The following GRM7 variants were observed in gnomAD, a reference collection of about 807,000 sequenced individuals.
The protein encoded by GRM7 is metabotropic glutamate receptor 7.
Under a neutral mutation model 84.5 loss-of-function variants are expected in GRM7, and 35 were observed. That is an observed-to-expected ratio of 0.41 (90% CI 0.32 to 0.55). The LOEUF (loss-of-function observed/expected upper bound fraction) is 0.55. GRM7 is among the 20% of genes least tolerant of loss of function. The probability of loss-of-function intolerance (pLI) is 0.19; values close to 1 mark genes in which losing one functional copy is unlikely to be tolerated. For synonymous variants in GRM7, 487 were observed against 455.1 expected, an observed-to-expected ratio of 1.07 and a Z score of -0.89; for missense variants, 1,003 against 1,194.6, an observed-to-expected ratio of 0.84 and a Z score of 2.36.
chr3:7,253,553 G>A (rs926798342), intron 2 of GRM7, among the ~76,000 whole-genome samples: 17 of 149,474 alleles, frequency 1.1e-4, no homozygotes, highest in African/African-American at 4.2e-4. Flanking sequence ...GGAGGCAGAG[G>A]TTGTAGTGAG....
chr3:7,154,505 G>T (rs1310584240), intron 2 of GRM7, among the ~76,000 whole-genome samples: 1 of 152,110 alleles, frequency 6.6e-6, no homozygotes, highest in East Asian at 1.9e-4. Flanking sequence ...GGTATGAAAA[G>T]ATCTGAAGGT....
chr3:7,226,973 G>A (rs1697004049), intron 2 of GRM7, among the ~76,000 whole-genome samples: 1 of 152,064 alleles, frequency 6.6e-6, no homozygotes, highest in Non-Finnish European at 1.5e-5. Flanking sequence ...ATTTTCAAAG[G>A]GCATTTCCAA....
chr3:7,073,070 T>C (rs540525871), intron 1 of GRM7, among the ~76,000 whole-genome samples: 444 of 152,306 alleles, frequency 2.9e-3, no homozygotes, highest in Non-Finnish European at 4.3e-3. Context: ...TATTTTCATG[T>C]GATACCAGGG....
At position 6,976,681 on chromosome 3, in the gene GRM7, G is replaced by GA. The variant is rs922952764; in HGVS notation, c.519+114783dup. 2.6e-4 allele frequency among the ~76,000 whole-genome samples: 39 copies of GA among 149,180 alleles called. 1 individual carries two copies. Among genetic ancestry groups the GA allele is most frequent in the South Asian group, 1.5e-3 (7 of 4,728 alleles). ...CCTATTGTCTATTTACAGCCTAACTGAAAAAAAAATGGGGTCCTAATTTGA... is the reference window on the plus strand; with the variant it reads ...CCTATTGTCTATTTACAGCCTAACTGAAAAAAAAAATGGGGTCCTAATTTGA... On this transcript the variant is annotated intron_variant, in intron 1 of 9. Transcript: ENST00000357716.
chr3:7,463,611 G>T (rs999188344), intron 7 of GRM7, among the ~76,000 whole-genome samples: 1 of 152,238 alleles, frequency 6.6e-6, no homozygotes, highest in Middle Eastern at 3.4e-3. Flanking sequence ...TCTGAGGTGT[G>T]ATAATGGAAA....
intron 9 of GRM7, among the ~76,000 whole-genome samples, chr3:7,709,726 A>T (rs1701515810): frequency 6.6e-6 from 1 of 152,204 alleles, no homozygotes; most frequent in Non-Finnish European, 1.5e-5. Flanking sequence ...AAATAAACAC[A>T]GCCCAAAACT....
At chr3:7,332,573 G>C (rs1508716) in intron 4 of GRM7, among the ~76,000 whole-genome samples, 6,027 of 152,164 alleles carry the variant, frequency 0.04, 254 homozygotes, top group African/African-American at 0.11. Context: ...TCTTTTCCTT[G>C]AGTTAAAGAC....
intron 4 of GRM7, among the ~76,000 whole-genome samples, chr3:7,316,164 A>G (rs1700574535): frequency 1.3e-5 from 2 of 152,170 alleles, no homozygotes; most frequent in Admixed American, 1.3e-4. Flanking sequence ...GAAACTGGTG[A>G]GCCGGAGCAC....
intron 7 of GRM7, among the ~76,000 whole-genome samples, chr3:7,558,174 T>A (rs112447829): frequency 1.1e-4 from 16 of 152,268 alleles, no homozygotes; most frequent in African/African-American, 3.8e-4. Flanking sequence ...CTTGGATGCA[T>A]CTTTTAAATT....
At chr3:7,228,439 T>A (rs188798847) in intron 2 of GRM7, among the ~76,000 whole-genome samples, 1 of 152,300 alleles carries the variant, frequency 6.6e-6, no homozygotes, top group Non-Finnish European at 1.5e-5. Flanking sequence ...GATTCAGGAA[T>A]TTCAGAACAC....
intron 4 of GRM7, among the ~76,000 whole-genome samples, chr3:7,335,072 T>C (rs1295789333): frequency 6.6e-6 from 1 of 152,122 alleles, no homozygotes; most frequent in Non-Finnish European, 1.5e-5. Flanking sequence ...ACTTAACAGA[T>C]ATTTACAGAA....
chr3:7,405,625 ATTAAC>A (rs1230791571), intron 4 of GRM7, among the ~76,000 whole-genome samples: 2 of 152,174 alleles, frequency 1.3e-5, no homozygotes, highest in Non-Finnish European at 2.9e-5. Context: ...AGAAATAGGA[ATTAAC>A]TTATCTTGGA....
intron 1 of GRM7, among the ~76,000 whole-genome samples, chr3:6,871,661 A>G (rs1205887050): frequency 6.6e-6 from 1 of 152,062 alleles, no homozygotes; most frequent in Non-Finnish European, 1.5e-5. Context: ...TGGTCCAAGC[A>G]TGTACTTACA....
intron 2 of GRM7, among the ~76,000 whole-genome samples, chr3:7,196,237 G>C (rs1308121436): frequency 6.6e-6 from 1 of 152,068 alleles, no homozygotes; most frequent in Non-Finnish European, 1.5e-5. Flanking sequence ...GTGCTATTCA[G>C]GTCTTTAACT....
intron 1 of GRM7, among the ~76,000 whole-genome samples, chr3:7,073,422 G>C (rs901350289): frequency 6.6e-6 from 1 of 152,060 alleles, no homozygotes; most frequent in African/African-American, 2.4e-5. Flanking sequence ...TAGGCCTCTT[G>C]TTTCAAGGCA....
At chr3:6,865,806 G>A (rs1694919446) in intron 1 of GRM7, among the ~76,000 whole-genome samples, 1 of 152,114 alleles carries the variant, frequency 6.6e-6, no homozygotes, top group African/African-American at 2.4e-5. Flanking sequence ...TGAGCACATA[G>A]GGTGGTGTGG....
chr3:7,101,277 A>AT (rs1331722197), intron 1 of GRM7, among the ~76,000 whole-genome samples: 2 of 151,738 alleles, frequency 1.3e-5, no homozygotes, highest in African/African-American at 4.8e-5. Flanking sequence ...TATTGCCAGT[A>AT]TTTTTTAAAG....
chr3:6,878,330 A>C (rs546589232), intron 1 of GRM7, among the ~76,000 whole-genome samples: 1 of 151,910 alleles, frequency 6.6e-6, no homozygotes, highest in Non-Finnish European at 1.5e-5. Flanking sequence ...TAAGTGACCA[A>C]GAAATTCAAA....
At chr3:7,691,126 A>G (rs1473314763) in intron 9 of GRM7, 4 of 462,292 alleles carry the variant, frequency 8.7e-6, no homozygotes, top group Admixed American at 5.0e-5. Context: ...ATTTCTCTCT[A>G]TGATCTAAAT....
Sources: allele counts gnomAD v4.1 joint callset (sites outside exome capture counted in the v4.1 genomes callset), GRCh38; gene constraint gnomAD v4.1.1; transcripts MANE v1.5; gene names NCBI Gene and HGNC (gene_info 2026-07-23, HGNC 2026-07-21).